Variants in ASS1 observed in about 807,000 individuals in gnomAD.
ASS1 encodes argininosuccinate synthase.
Under a neutral mutation model 60.5 loss-of-function variants are expected in ASS1, and 58 were observed. The ratio of observed to expected loss-of-function variants is 0.96; its 90% CI spans 0.78 to 1.19. The LOEUF (loss-of-function observed/expected upper bound fraction) is 1.19. ASS1 is among the 50% of genes most tolerant of loss of function. The pLI is 0.00. For synonymous variants in ASS1, 200 were observed against 206.9 expected, an observed-to-expected ratio of 0.97 and a Z score of 0.29; for missense variants, 454 against 547.3, an observed-to-expected ratio of 0.83 and a Z score of 1.70.
intron 8 of ASS1, among the ~76,000 whole-genome samples, chr9:130,471,801 T>A (rs144320037): frequency 1.3e-5 from 2 of 152,224 alleles, no homozygotes; most frequent in East Asian, 3.9e-4. Context: ...AGAGTGTGAT[T>A]GTGAGACAAT....
chr9:130,451,465 G>A, intron 1 of ASS1: 1 of 263,140 alleles, frequency 3.8e-6, no homozygotes, highest in Non-Finnish European at 7.5e-6. Context: ...CTGGGCATTG[G>A]CAGAGTTGAA....
chr9:130,499,183 A>C (rs1311155799), intron 13 of ASS1, among the ~76,000 whole-genome samples: 1 of 152,144 alleles, frequency 6.6e-6, no homozygotes, highest in African/African-American at 2.4e-5. Context: ...CCATTTACAG[A>C]CAGAGTGCTC....
At chr9:130,479,244 C>T (rs545236997) in intron 9 of ASS1, among the ~76,000 whole-genome samples, 1 of 151,972 alleles carries the variant, frequency 6.6e-6, no homozygotes, top group African/African-American at 2.4e-5. Context: ...GGTACAGGGT[C>T]GGGGCGCGGG....
chr9:130,452,361 TC>T, intron 2 of ASS1, 28 bp downstream of exon 2: 1 of 1,581,930 alleles, frequency 6.3e-7, no homozygotes, highest in Non-Finnish European at 8.7e-7. Flanking sequence ...GTGTCTGTCT[TC>T]CTGCGTGTCC....
intron 3 of ASS1, among the ~76,000 whole-genome samples, chr9:130,455,368 A>G (rs906525737): frequency 6.7e-6 from 1 of 149,668 alleles, no homozygotes; most frequent in African/African-American, 2.5e-5. Context: ...CCATCCATTC[A>G]TCCAGACAGC....
chr9:130,450,129 C>A, intron 1 of ASS1: 1 of 272,302 alleles, frequency 3.7e-6, no homozygotes, highest in Non-Finnish European at 5.7e-6. Context: ...AGGCAGGAGG[C>A]AGGACAGGTG....
intron 11 of ASS1, among the ~76,000 whole-genome samples, chr9:130,486,149 C>CG (rs1846302787): frequency 6.6e-6 from 1 of 152,192 alleles, no homozygotes; most frequent in African/African-American, 2.4e-5. Context: ...TTTGTAGAGA[C>CG]GGGGTCTCCC....
chr9:130,451,863 A>G (rs1845334677), intron 1 of ASS1: 2 of 483,380 alleles, frequency 4.1e-6, no homozygotes, highest in Non-Finnish European at 8.2e-6. Context: ...CCCCTCCCAC[A>G]TCTCCTGCCT....
At chr9:130,457,835 C>T (rs1413028611) in intron 3 of ASS1, among the ~76,000 whole-genome samples, 1 of 152,160 alleles carries the variant, frequency 6.6e-6, no homozygotes, top group Non-Finnish European at 1.5e-5. Context: ...ATTTAGAAGC[C>T]ACATCCAGTT....
intron 1 of ASS1, among the ~76,000 whole-genome samples, chr9:130,450,601 C>T (rs877326): frequency 0.44 from 67,310 of 152,120 alleles, 15,169 homozygotes; most frequent in East Asian, 0.56. Flanking sequence ...GGCCTGTGAG[C>T]CCCGGCTGAC....
chr9:130,499,570 G>A lies in ASS1; in HGVS notation c.1193G>A (p.Arg398Lys). The change falls in exon 14 of 15, where the codon AGG becomes AAG. Residue 398 changes from arginine (R) to lysine (K), a missense_variant and splice_region_variant. Arg to Lys is a conservative substitution (Grantham distance 26). Coordinates refer to ENST00000352480, the MANE Select transcript of ASS1 (RefSeq NM_054012.4). ...GGGTTCATCAACATCAATTCCCTCAGGTGAGAAGCTCAGGGCCCTGACGGG... is the reference window on the plus strand; with the variant it reads ...GGGTTCATCAACATCAATTCCCTCAAGTGAGAAGCTCAGGGCCCTGACGGG... ...ATGFININSL[R>K]LKEYHRLQSK... is the part of the protein sequence containing the mutation. 6.2e-7 allele frequency: 1 copy of A among 1,613,236 alleles called. No homozygotes were observed. Among genetic ancestry groups the A allele is most frequent in the Non-Finnish European group, 8.5e-7 (1 of 1,179,654 alleles).
At chr9:130,445,199 G>A in intron 1 of ASS1, 1 of 985,250 alleles carries the variant, frequency 1.0e-6, no homozygotes, top group Non-Finnish European at 1.2e-6. Flanking sequence ...CGGATTCCAG[G>A]TTTCTGGAGC....
intron 5 of ASS1, among the ~76,000 whole-genome samples, chr9:130,464,946 G>A (rs1429304008): frequency 2.7e-5 from 4 of 150,732 alleles, no homozygotes; most frequent in African/African-American, 7.3e-5. Flanking sequence ...GCACACTGCC[G>A]CTGCAAGCTG....
intron 13 of ASS1, among the ~76,000 whole-genome samples, chr9:130,499,235 C>T (rs909814853): frequency 5.3e-5 from 8 of 152,196 alleles, no homozygotes; most frequent in African/African-American, 1.2e-4. Context: ...GGTGGCTGCT[C>T]CTAGCCTCCT....
At chr9:130,473,036 C>T (rs749061224) in intron 8 of ASS1, among the ~76,000 whole-genome samples, 7 of 152,160 alleles carry the variant, frequency 4.6e-5, no homozygotes, top group Non-Finnish European at 8.8e-5. Context: ...TACTGAGCTA[C>T]GGTGGGCAGG....
chr9:130,467,882 C>T (rs1041252073), intron 6 of ASS1, among the ~76,000 whole-genome samples: 9 of 152,184 alleles, frequency 5.9e-5, no homozygotes, highest in African/African-American at 1.4e-4. Context: ...CCTTTCTTTC[C>T]GTTAAGTCCC....
chr9:130,480,328 G>T, intron 10 of ASS1, 57 bp from the exon 11 acceptor site: 1 of 1,599,982 alleles, frequency 6.3e-7, no homozygotes. Flanking sequence ...CCAGCTGGGT[G>T]GGTGACTCTG....
At position 130,458,394 on chromosome 9, in the gene ASS1, C is replaced by G. The variant is rs567594559; in HGVS notation, c.175-7C>G. 6.8e-5 allele frequency: 110 copies of G among 1,612,012 alleles called. No homozygotes were observed. The South Asian group carries it at 1.1e-3, about 17-fold the overall frequency. The stretch of plus-strand genomic sequence containing the variant: ...TACTTCTTCCTTCTGGGCTCCTCTT[C>G]CCGTAGGTGTTCATTGAGGATGTCA... On this transcript the variant is annotated splice_polypyrimidine_tract_variant and splice_region_variant and intron_variant, in intron 3 of 14. Coordinates refer to ENST00000352480, the MANE Select transcript of ASS1 (RefSeq NM_054012.4).
chr9:130,484,832 TGCGC>T (rs1218069579), intron 11 of ASS1, among the ~76,000 whole-genome samples: 2 of 141,992 alleles, frequency 1.4e-5, no homozygotes, highest in East Asian at 2.1e-4. Flanking sequence ...CACACACACG[TGCGC>T]GCGCGCGCGT....
Sources: allele counts gnomAD v4.1 joint callset (sites outside exome capture counted in the v4.1 genomes callset), GRCh38; gene constraint gnomAD v4.1.1; transcripts MANE v1.5; gene names NCBI Gene and HGNC (gene_info 2026-07-23, HGNC 2026-07-21).